AMZ1: variants seen among roughly 807,000 people sequenced by gnomAD.
AMZ1 encodes archaemetzincin-1.
Under a neutral mutation model 29.9 loss-of-function variants are expected in AMZ1, and 39 were observed. The observed-to-expected ratio is 1.30, with a 90% confidence interval of 1.01 to 1.70. The LOEUF (loss-of-function observed/expected upper bound fraction) is 1.70. Ranked by LOEUF, AMZ1 falls within the 40% of genes most tolerant of loss-of-function variation. AMZ1 has a pLI of 0.00. For missense variants in AMZ1, 1,041 were observed against 680.6 expected, an observed-to-expected ratio of 1.53 and a Z score of -5.89; for synonymous variants, 458 against 304.0, an observed-to-expected ratio of 1.51 and a Z score of -5.27.
At position 2,712,881 on chromosome 7, in the gene AMZ1, C is replaced by A. The variant is rs758029239; in HGVS notation, c.*3C>A. On this transcript the variant is annotated 3_prime_UTR_variant, in exon 7 of 7. Transcript: ENST00000683327. The stretch of plus-strand genomic sequence containing the variant: ...CCTGGGATGGGGAAGAGAGTTAGTA[C>A]AGCAGGGGCTGCCCTACGTCTCCTT... 3.4e-5 allele frequency: 51 copies of A among 1,514,274 alleles called. No individual in the cohort carries two copies. Among genetic ancestry groups the A allele is most frequent in the Non-Finnish European group, 4.4e-5 (50 of 1,131,402 alleles). 93.8% of individuals were successfully genotyped at this position (1,514,274 alleles called of 1,614,324 possible).
chr7:2,732,657 G>A (rs564813841), intron 4 of AMZ1, among the ~76,000 whole-genome samples: 139 of 152,284 alleles, frequency 9.1e-4, no homozygotes, highest in African/African-American at 3.2e-3. Context: ...ACATGATCAT[G>A]CCTCGATCTA....
intron 3 of AMZ1, among the ~76,000 whole-genome samples, chr7:2,703,999 C>T (rs543430911): frequency 5.8e-4 from 89 of 152,340 alleles, no homozygotes; most frequent in African/African-American, 2.0e-3. Flanking sequence ...CACCATTCTC[C>T]TGCCTCAGCC....
At chr7:2,707,156 C>G (rs978611364) in intron 3 of AMZ1, among the ~76,000 whole-genome samples, 1 of 151,976 alleles carries the variant, frequency 6.6e-6, no homozygotes, top group Non-Finnish European at 1.5e-5. Context: ...GCCTGTAATC[C>G]CTGCTACTCA....
chr7:2,709,476 G>T (rs1209244191), intron 5 of AMZ1, among the ~76,000 whole-genome samples, 164 bp from the exon 6 acceptor site: 3 of 152,034 alleles, frequency 2.0e-5, no homozygotes, highest in African/African-American at 7.2e-5. Flanking sequence ...CTGGGGCCCT[G>T]AAAGTGGCCT....
intron 1 of AMZ1, among the ~76,000 whole-genome samples, chr7:2,694,748 C>T (rs1787604930): frequency 6.6e-6 from 1 of 151,886 alleles, no homozygotes; most frequent in Non-Finnish European, 1.5e-5. Flanking sequence ...TCTCAGCTCA[C>T]TGCAACCTCT....
chr7:2,750,440 G>A (rs1324474683), intron 4 of AMZ1, among the ~76,000 whole-genome samples: 1 of 152,228 alleles, frequency 6.6e-6, no homozygotes, highest in Non-Finnish European at 1.5e-5. Context: ...AGACCTCAGT[G>A]GATGCCTGAA....
chr7:2,764,796 C>T (rs929388454), exon 1 of AMZ1: 6 of 152,236 alleles, frequency 3.9e-5, no homozygotes, highest in South Asian at 4.1e-4. Context: ...CAGCGTGAGC[C>T]GGCGGACCCT....
At chr7:2,762,898 G>A (rs1373804992), upstream of AMZ1, 9 of 1,424,936 alleles carry the variant, frequency 6.3e-6, no homozygotes, top group Admixed American at 6.0e-5. Flanking sequence ...TTGGTGCTGC[G>A]GCGGGGAGAA....
upstream of AMZ1, among the ~76,000 whole-genome samples, chr7:2,683,223 A>C (rs368362585): frequency 6.6e-6 from 1 of 152,202 alleles, no homozygotes; most frequent in African/African-American, 2.4e-5. Flanking sequence ...CAAACAGCAC[A>C]CATTCACTGT....
downstream of AMZ1, among the ~76,000 whole-genome samples, chr7:2,720,317 C>CT: frequency 6.6e-6 from 1 of 152,356 alleles, no homozygotes; most frequent in Admixed American, 6.5e-5. Flanking sequence ...GTTTCCATGT[C>CT]TCCCCACGTC....
Position 2,717,915 on chromosome 7 carries a change from T to G in AMZ1, c.*5037T>G, listed in dbSNP as rs1416195259. ...GTCACCACGCGTTCAGTCCAACTCTTCCCCGCTGCAGTGTTCCCGTGACGA... is the reference window on the plus strand; with the variant it reads ...GTCACCACGCGTTCAGTCCAACTCTGCCCCGCTGCAGTGTTCCCGTGACGA... On this transcript the variant is annotated 3_prime_UTR_variant, in exon 7 of 7. Transcript: ENST00000683327. 6.6e-6 allele frequency among the ~76,000 whole-genome samples: 1 copy of G among 152,066 alleles called. No individual in the cohort carries two copies. The highest frequency in any genetic ancestry group is 1.5e-5 in the Non-Finnish European group (1 of 68,000).
upstream of AMZ1, among the ~76,000 whole-genome samples, chr7:2,686,867 A>C (rs900505439): frequency 6.6e-6 from 1 of 151,954 alleles, no homozygotes; most frequent in Middle Eastern, 3.2e-3. Flanking sequence ...GGCACCAGCC[A>C]CCACGCCCAG....
At chr7:2,725,081 T>C (rs2115254855) in intron 4 of AMZ1, among the ~76,000 whole-genome samples, 1 of 152,356 alleles carries the variant, frequency 6.6e-6, no homozygotes. Context: ...CCCTCACTTC[T>C]AGGGACCTCC....
chr7:2,715,487 G>A lies in AMZ1; in HGVS notation c.*2609G>A, dbSNP rs1000896782. 1.3e-5 allele frequency: 2 copies of A among 152,216 alleles called. No individual in the cohort carries two copies. The highest frequency in any genetic ancestry group is 2.9e-5 in the Non-Finnish European group (2 of 68,038). 9.4% of individuals were successfully genotyped at this position (152,216 alleles called of 1,614,324 possible). ...GGAGCCCACTGGGGTTATGACCAAAGCCTCGGCGCTCTCTGTACCCGTGTC... is the reference window on the plus strand; with the variant it reads ...GGAGCCCACTGGGGTTATGACCAAAACCTCGGCGCTCTCTGTACCCGTGTC... On this transcript the variant is annotated 3_prime_UTR_variant, in exon 7 of 7. Coordinates refer to ENST00000683327, the MANE Select transcript of AMZ1 (RefSeq NM_001384743.1).
At chr7:2,757,394 G>A (rs935941607) in intron 4 of AMZ1, among the ~76,000 whole-genome samples, 2 of 152,152 alleles carry the variant, frequency 1.3e-5, no homozygotes, top group African/African-American at 4.8e-5. Context: ...AAAGCACACA[G>A]CCGTGTTATG....
At position 2,759,184 on chromosome 7, in the gene AMZ1, T is replaced by TA. The variant is rs965007927; in HGVS notation, n.551-5525dup. Among the ~76,000 whole-genome samples, 45 of 142,090 alleles carry TA rather than the reference T, an allele frequency of 3.2e-4. 1 individual carries two copies. Among genetic ancestry groups the TA allele is most frequent in the East Asian group, 3.1e-3 (16 of 5,106 alleles). The allele number at this position is 142,090 out of a possible 152,430, so 93.2% of individuals were successfully genotyped here. A position where few individuals can be genotyped will look rare whatever the true frequency, so the allele number is the denominator to read the frequency against. On this transcript the variant is annotated intron_variant and non_coding_transcript_variant, in intron 4 of 4. Coordinates refer to the AMZ1 transcript ENST00000489665. ...ATAAATAAATAAATAAATAAATAAA[T>TA]AAATAAAATAAAAATAAAAACCCCA... is the stretch of plus-strand genomic sequence containing the variant.
chr7:2,681,108 G>C (rs1786866711), intron 1 of AMZ1, among the ~76,000 whole-genome samples: 1 of 152,232 alleles, frequency 6.6e-6, no homozygotes, highest in South Asian at 2.1e-4. Context: ...TTTCAGAGTT[G>C]AGGATGCAGG....
At chr7:2,696,369 G>T (rs1319812902) in intron 1 of AMZ1, among the ~76,000 whole-genome samples, 1 of 148,912 alleles carries the variant, frequency 6.7e-6, no homozygotes, top group Non-Finnish European at 1.5e-5. Flanking sequence ...CCATTCTCCT[G>T]CCTCAGCCTC....
chr7:2,742,134 G>A lies in AMZ1; in HGVS notation n.551-22578G>A, dbSNP rs148032113. On this transcript the variant is annotated intron_variant and non_coding_transcript_variant, in intron 4 of 4. Coordinates refer to the AMZ1 transcript ENST00000489665. ...CCTCCCAGGTTCAAGAGATTCTCCTGCCTCAGCCACCCGAGTAGCTGGGAT... is the reference window on the plus strand; with the variant it reads ...CCTCCCAGGTTCAAGAGATTCTCCTACCTCAGCCACCCGAGTAGCTGGGAT... Among the ~76,000 whole-genome samples, 1,473 of 152,080 alleles carry A rather than the reference G, an allele frequency of 9.7e-3. 14 individuals are homozygous for A. Among genetic ancestry groups the A allele is most frequent in the Non-Finnish European group, 0.017 (1,134 of 67,998 alleles).
Sources: gnomAD v4.1 joint callset for allele counts (sites outside exome capture counted in the v4.1 genomes callset) on GRCh38, gnomAD v4.1.1 for gene constraint, MANE v1.5 for transcripts, NCBI Gene and HGNC (gene_info 2026-07-23, HGNC 2026-07-21) for gene names.